The following EIF3H variants were observed in gnomAD, a reference collection of about 807,000 sequenced individuals.
The protein encoded by EIF3H is eIF-3-gamma.
In EIF3H, 26 loss-of-function variants were observed where a neutral mutation model predicts 44.2. The observed-to-expected ratio is 0.59, with a 90% CI of 0.43 to 0.82. EIF3H has a LOEUF of 0.82. EIF3H is among the 40% of genes least tolerant of loss of function. The pLI, the probability that EIF3H is intolerant of heterozygous loss-of-function variation, is 0.00. For missense variants in EIF3H, 359 were observed against 432.8 expected (o/e 0.83, Z 1.51); for synonymous variants, 166 against 151.9 (o/e 1.09, Z -0.68).
intron 1 of EIF3H, among the ~76,000 whole-genome samples, chr8:116,749,205 A>G (rs1407959611): frequency 1.3e-5 from 2 of 152,212 alleles, no homozygotes; most frequent in Non-Finnish European, 1.5e-5. Flanking sequence ...TTCAGCCTTC[A>G]AAAGGGTTAT....
chr8:116,698,047 A>G lies in EIF3H; in HGVS notation c.289+27969T>C, dbSNP rs996927288. On this transcript the variant is annotated intron_variant, in intron 2 of 7. Transcript: ENST00000521861. ...ACTCTTAAGGGTAGGCAGAATTATCATGCTCAGGATCAGACTGGATTCAAA... is the reference window on the plus strand; with the variant it reads ...ACTCTTAAGGGTAGGCAGAATTATCGTGCTCAGGATCAGACTGGATTCAAA... Among the ~76,000 whole-genome samples, 4 of 152,338 alleles carry G rather than the reference A, an allele frequency of 2.6e-5. No homozygotes were observed. The South Asian group carries it at 6.2e-4, about 24-fold the overall frequency.
intron 1 of EIF3H, among the ~76,000 whole-genome samples, chr8:116,748,278 A>C: frequency 6.6e-6 from 1 of 152,240 alleles, no homozygotes; most frequent in Non-Finnish European, 1.5e-5. Flanking sequence ...TTATCCCCAA[A>C]GCTGTTGTGA....
intron 2 of EIF3H, among the ~76,000 whole-genome samples, chr8:116,707,307 A>AT (rs1490295519): frequency 1.3e-5 from 2 of 152,190 alleles, no homozygotes; most frequent in African/African-American, 4.8e-5. Context: ...AAGGATATCT[A>AT]TAATTTCTGA....
chr8:116,720,360 G>A (rs1430344569), intron 2 of EIF3H, among the ~76,000 whole-genome samples: 1 of 152,010 alleles, frequency 6.6e-6, no homozygotes, highest in Non-Finnish European at 1.5e-5. Context: ...GCATGTTCAT[G>A]CTCATTTTCT....
chr8:116,714,908 G>A (rs1001976577), intron 2 of EIF3H, among the ~76,000 whole-genome samples: 1 of 151,964 alleles, frequency 6.6e-6, no homozygotes. Context: ...GCAATACAAA[G>A]GCAAAATAGT....
intron 2 of EIF3H, among the ~76,000 whole-genome samples, chr8:116,660,889 A>T (rs1476775303): frequency 6.6e-6 from 1 of 152,182 alleles, no homozygotes; most frequent in Non-Finnish European, 1.5e-5. Flanking sequence ...CTATACTCTA[A>T]ACCACCATTA....
At chr8:116,674,680 T>G (rs1813817002) in intron 2 of EIF3H, among the ~76,000 whole-genome samples, 1 of 152,250 alleles carries the variant, frequency 6.6e-6, no homozygotes, top group Admixed American at 6.5e-5. Flanking sequence ...GTGTATTGTA[T>G]GTGACTGATA....
chr8:116,689,057 C>T (rs1230738648), intron 2 of EIF3H: 2 of 435,876 alleles, frequency 4.6e-6, no homozygotes, highest in Non-Finnish European at 4.6e-6. Flanking sequence ...ATAACAAAAA[C>T]GTATTACTTA....
chr8:116,660,528 GA>G (rs1317436522), intron 2 of EIF3H, among the ~76,000 whole-genome samples: 8 of 151,990 alleles, frequency 5.3e-5, no homozygotes, highest in East Asian at 1.9e-4. Context: ...TGTTTTTTGA[GA>G]TTTTTTTTTT....
intron 2 of EIF3H, among the ~76,000 whole-genome samples, chr8:116,718,457 G>T (rs1586474325): frequency 6.6e-6 from 1 of 151,988 alleles, no homozygotes; most frequent in East Asian, 1.9e-4. Flanking sequence ...GCAAAAATAT[G>T]GAACCAGCCC....
intron 1 of EIF3H, among the ~76,000 whole-genome samples, chr8:116,727,470 G>A (rs1814865331): frequency 6.6e-6 from 1 of 152,214 alleles, no homozygotes. Context: ...AGCCAAGTTT[G>A]ACTGATATCA....
At chr8:116,736,614 A>G (rs1435288005) in intron 1 of EIF3H, among the ~76,000 whole-genome samples, 9 of 152,180 alleles carry the variant, frequency 5.9e-5, no homozygotes, top group Admixed American at 5.9e-4. Context: ...GGGAGCCGAG[A>G]TCGCGCCTTT....
chr8:116,756,322 C>G (rs1368273291), upstream of EIF3H, among the ~76,000 whole-genome samples: 7 of 152,154 alleles, frequency 4.6e-5, no homozygotes, highest in Non-Finnish European at 1.0e-4. Context: ...AAACTTTTAT[C>G]AGAATTACCA....
At chr8:116,763,148 ACT>A (rs1815534858) in intron 1 of EIF3H, among the ~76,000 whole-genome samples, 2 of 152,126 alleles carry the variant, frequency 1.3e-5, no homozygotes, top group Admixed American at 1.3e-4. Flanking sequence ...ATGAATGAGA[ACT>A]CTGCCAATTG....
chr8:116,741,496 T>C (rs1177961638), intron 1 of EIF3H, among the ~76,000 whole-genome samples: 1 of 152,198 alleles, frequency 6.6e-6, no homozygotes, highest in Non-Finnish European at 1.5e-5. Flanking sequence ...AAAACATCAT[T>C]AAAGACAAAG....
intron 2 of EIF3H, among the ~76,000 whole-genome samples, chr8:116,689,418 C>A (rs571943275): frequency 6.6e-6 from 1 of 152,050 alleles, no homozygotes; most frequent in Non-Finnish European, 1.5e-5. Context: ...AATAATTACA[C>A]CTCAATAAAA....
rs539197145 is a variant in EIF3H at position 116,680,086 on chromosome 8, GC to G, written c.290-21107del. On this transcript the variant is annotated intron_variant, in intron 2 of 7. Transcript: ENST00000521861. ...GTCCAGGAGGGAGGTGGGGGGATCA[GC>G]CCCCCGCCTGGCCAGCCGCCCCGTC... Among the ~76,000 whole-genome samples the G allele has an allele frequency of 3.7e-3, 167 of 44,914 alleles. 32 individuals are homozygous for G. Among genetic ancestry groups the G allele is most frequent in the African/African-American group, 0.013 (160 of 11,968 alleles). 29.5% of individuals were successfully genotyped at this position (44,914 alleles called of 152,430 possible).
At chr8:116,729,064 A>G (rs1217589144) in intron 1 of EIF3H, among the ~76,000 whole-genome samples, 1 of 152,252 alleles carries the variant, frequency 6.6e-6, no homozygotes, top group African/African-American at 2.4e-5. Context: ...AACTAAACTG[A>G]TAAAGAGTTA....
intron 5 of EIF3H, among the ~76,000 whole-genome samples, chr8:116,652,197 G>A (rs142332117): frequency 1.8e-4 from 27 of 152,248 alleles, no homozygotes; most frequent in Non-Finnish European, 3.1e-4. Context: ...TCAGGAAGAA[G>A]GCCTTATCAA....
Sources: allele counts gnomAD v4.1 joint callset (sites outside exome capture counted in the v4.1 genomes callset), GRCh38; gene constraint gnomAD v4.1.1; transcripts MANE v1.5; gene names NCBI Gene and HGNC (gene_info 2026-07-23, HGNC 2026-07-21).